The following TFDP2 variants were observed in gnomAD, a reference collection of about 807,000 sequenced individuals.
TFDP2 encodes transcription factor Dp-2 (E2F dimerization partner 2).
In TFDP2, 17 loss-of-function variants were observed where a neutral mutation model predicts 59.3. That is an observed-to-expected ratio of 0.29 (90% CI 0.20 to 0.43). The LOEUF is 0.43. TFDP2 is among the 20% of genes least tolerant of loss of function. TFDP2 has a pLI of 1.00. For missense variants in TFDP2, 391 were observed against 528.8 expected, an observed-to-expected ratio of 0.74 and a Z score of 2.56; for synonymous variants, 180 against 194.7, an observed-to-expected ratio of 0.92 and a Z score of 0.63.
intron 3 of TFDP2, among the ~76,000 whole-genome samples, chr3:142,029,505 TCTTA>T (rs1270202235): frequency 4.6e-5 from 7 of 152,118 alleles, no homozygotes; most frequent in South Asian, 2.1e-4. Flanking sequence ...TACCTAATCA[TCTTA>T]CTTAGTTTTC....
chr3:142,014,786 T>A (rs956882714), intron 3 of TFDP2, among the ~76,000 whole-genome samples: 21 of 152,170 alleles, frequency 1.4e-4, no homozygotes, highest in African/African-American at 4.8e-4. Flanking sequence ...CATCAGCACA[T>A]AAACATGCAT....
chr3:142,090,488 A>C (rs1257789555), intron 3 of TFDP2, among the ~76,000 whole-genome samples: 1 of 151,992 alleles, frequency 6.6e-6, no homozygotes, highest in Non-Finnish European at 1.5e-5. Context: ...CATCAAAGAC[A>C]ATCTTTCTCA....
intron 3 of TFDP2, among the ~76,000 whole-genome samples, chr3:142,062,419 G>A (rs1334627463): frequency 1.3e-5 from 2 of 149,492 alleles, no homozygotes; most frequent in Non-Finnish European, 3.0e-5. Context: ...GTGTGTGTGT[G>A]TGTGTGTGTA....
intron 6 of TFDP2, among the ~76,000 whole-genome samples, chr3:141,987,951 A>G: frequency 6.6e-6 from 1 of 151,616 alleles, no homozygotes; most frequent in African/African-American, 2.4e-5. Flanking sequence ...AAAAAAAAGA[A>G]AAGAAAAAGA....
At chr3:142,019,212 G>T (rs575773275) in intron 3 of TFDP2, among the ~76,000 whole-genome samples, 1 of 152,016 alleles carries the variant, frequency 6.6e-6, no homozygotes, top group South Asian at 2.1e-4. Flanking sequence ...TTACAGGCAT[G>T]TGTCACCATG....
At chr3:141,978,036 AC>A (rs1429336452) in intron 7 of TFDP2, among the ~76,000 whole-genome samples, 12 of 150,930 alleles carry the variant, frequency 8.0e-5, no homozygotes, top group Admixed American at 4.0e-4. Context: ...TTAAAAAAAA[AC>A]AAAAAAAAAC....
At chr3:142,133,906 G>A (rs1051905998) in intron 1 of TFDP2, among the ~76,000 whole-genome samples, 3 of 151,730 alleles carry the variant, frequency 2.0e-5, no homozygotes, top group African/African-American at 7.3e-5. Context: ...TTTTAAAATT[G>A]AGGGCAGGGC....
intron 1 of TFDP2, among the ~76,000 whole-genome samples, chr3:142,112,708 C>G (rs948709496): frequency 6.6e-6 from 1 of 152,038 alleles, no homozygotes; most frequent in African/African-American, 2.4e-5. Flanking sequence ...TAAATTGAGA[C>G]AGAGGTCTTG....
At chr3:142,082,419 C>A (rs2108586062) in intron 3 of TFDP2, among the ~76,000 whole-genome samples, 1 of 152,230 alleles carries the variant, frequency 6.6e-6, no homozygotes, top group African/African-American at 2.4e-5. Flanking sequence ...CCCCTCACCC[C>A]AGTCCATGGA....
chr3:142,040,801 G>A (rs1191174606), intron 3 of TFDP2, among the ~76,000 whole-genome samples: 1 of 152,104 alleles, frequency 6.6e-6, no homozygotes, highest in East Asian at 1.9e-4. Flanking sequence ...CTACTTAGGA[G>A]GCTAAGGGAG....
chr3:141,965,683 A>C (rs1937930664), intron 9 of TFDP2, among the ~76,000 whole-genome samples: 1 of 151,890 alleles, frequency 6.6e-6, no homozygotes, highest in Admixed American at 6.6e-5. Flanking sequence ...CTATCTCCCC[A>C]AAAGGGGAAG....
At chr3:142,138,335 T>C (rs1316306390) in intron 1 of TFDP2, among the ~76,000 whole-genome samples, 1 of 152,214 alleles carries the variant, frequency 6.6e-6, no homozygotes, top group Non-Finnish European at 1.5e-5. Context: ...CTGGATTCAT[T>C]GATTTTTTGA....
intron 3 of TFDP2, among the ~76,000 whole-genome samples, chr3:142,040,429 A>ATT (rs11435655): frequency 0.063 from 9,185 of 146,070 alleles, 312 homozygotes; most frequent in Middle Eastern, 0.11. Flanking sequence ...ATCTCTACAA[A>ATT]TTTTTTTTTT....
chr3:141,974,005 A>G (rs1236831833), intron 8 of TFDP2, 43 bp downstream of exon 8: 12 of 1,575,292 alleles, frequency 7.6e-6, no homozygotes, highest in East Asian at 2.3e-5. Flanking sequence ...CTGTGATGTA[A>G]AATAATGCAA....
intron 3 of TFDP2, among the ~76,000 whole-genome samples, chr3:142,086,141 TC>T (rs575270249): frequency 4.6e-5 from 7 of 152,144 alleles, no homozygotes; most frequent in Non-Finnish European, 1.0e-4. Context: ...ACATTCTGCT[TC>T]TAGGGTTCTC....
chr3:141,956,160 A>G (rs1172997362), intron 11 of TFDP2, among the ~76,000 whole-genome samples: 1 of 152,218 alleles, frequency 6.6e-6, no homozygotes, highest in Non-Finnish European at 1.5e-5. Flanking sequence ...GAATTAGGAA[A>G]ATCAGGAAGA....
chr3:142,015,775 T>A lies in TFDP2; in HGVS notation c.83-10231A>T, dbSNP rs566397810. Among the ~76,000 whole-genome samples, 12 of 152,310 alleles carry A rather than the reference T, an allele frequency of 7.9e-5. No individual in the cohort carries two copies. In the East Asian group the frequency reaches 2.3e-3, roughly 29 times the overall value. ...GGTTAGACCTAGATTTTAAATTAAT[T>A]TAATTTTAATTAACATATTTTAAAA... On this transcript the variant is annotated intron_variant, in intron 3 of 12. Transcript: ENST00000489671.
chr3:142,126,430 T>C (rs1339540769), intron 1 of TFDP2: 1 of 152,140 alleles, frequency 6.6e-6, no homozygotes, highest in African/African-American at 2.4e-5. Flanking sequence ...TCCTATTCTT[T>C]GTTATTAACC....
chr3:142,095,693 AAAT>A (rs1168564664), intron 2 of TFDP2, among the ~76,000 whole-genome samples: 2 of 152,206 alleles, frequency 1.3e-5, no homozygotes, highest in African/African-American at 4.8e-5. Context: ...AGTTGCTCAC[AAAT>A]AATGTTAAAT....
Sources: allele counts gnomAD v4.1 joint callset (sites outside exome capture counted in the v4.1 genomes callset), GRCh38; gene constraint gnomAD v4.1.1; transcripts MANE v1.5; gene names NCBI Gene and HGNC (gene_info 2026-07-23, HGNC 2026-07-21).